Variants in NCMAP observed in about 807,000 individuals in gnomAD.
NCMAP encodes noncompact myelin-associated protein.
In NCMAP, 8 loss-of-function variants were observed where a neutral mutation model predicts 7.8. That is an observed-to-expected ratio of 1.02 (90% confidence interval 0.60 to 1.84). NCMAP has a LOEUF of 1.84. Ranked by LOEUF, NCMAP falls within the 40% of genes most tolerant of loss-of-function variation. The pLI, the probability that NCMAP is intolerant of heterozygous loss-of-function variation, is 0.00. For synonymous variants in NCMAP, 41 were observed against 52.9 expected (o/e 0.78, Z 0.98); for missense variants, 112 against 131.4 (o/e 0.85, Z 0.72).
intron 1 of NCMAP, among the ~76,000 whole-genome samples, chr1:24,590,787 T>C (rs965292140): frequency 4.6e-5 from 7 of 152,308 alleles, no homozygotes; most frequent in African/African-American, 1.7e-4. Flanking sequence ...TTTGTGCTTA[T>C]TTTTATAGAA....
chr1:24,594,712 A>G (rs1652159971), intron 1 of NCMAP, among the ~76,000 whole-genome samples: 1 of 151,882 alleles, frequency 6.6e-6, no homozygotes, highest in South Asian at 2.1e-4. Flanking sequence ...GGCTCATGTC[A>G]CTGACTGCTT....
At chr1:24,595,650 G>A in intron 2 of NCMAP, 138 bp downstream of exon 2, 1 of 618,502 alleles carries the variant, frequency 1.6e-6, no homozygotes, top group Non-Finnish European at 2.9e-6. Context: ...GCCAACTGCA[G>A]CATTAATGAC....
intron 2 of NCMAP, among the ~76,000 whole-genome samples, chr1:24,597,557 G>A (rs1335933384): frequency 9.5e-6 from 1 of 105,042 alleles, no homozygotes; most frequent in African/African-American, 3.9e-5. Context: ...GGAGGAGAAG[G>A]GGGGGAGGTT....
intron 1 of NCMAP, among the ~76,000 whole-genome samples, chr1:24,594,466 G>A (rs992563377): frequency 3.3e-5 from 5 of 152,190 alleles, no homozygotes; most frequent in Non-Finnish European, 7.3e-5. Flanking sequence ...GTAGGAGGGT[G>A]TAGATGACAG....
intron 1 of NCMAP, among the ~76,000 whole-genome samples, chr1:24,565,851 T>C (rs574399500): frequency 6.6e-6 from 1 of 152,256 alleles, no homozygotes; most frequent in East Asian, 1.9e-4. Flanking sequence ...AATTTCATCT[T>C]GAATCATAGT....
At chr1:24,597,519 AG>A (rs796235815) in intron 2 of NCMAP, among the ~76,000 whole-genome samples, 1,009 of 21,308 alleles carry the variant, frequency 0.047, 62 homozygotes, top group African/African-American at 0.16. Context: ...AAGAGAAGGA[AG>A]GGGGGGGGGG....
At chr1:24,561,362 A>G (rs1020336792) in intron 1 of NCMAP, among the ~76,000 whole-genome samples, 1 of 152,112 alleles carries the variant, frequency 6.6e-6, no homozygotes, top group Non-Finnish European at 1.5e-5. Context: ...AAAGAAAAAG[A>G]AATACTTACA....
chr1:24,592,138 C>A (rs565862112), intron 1 of NCMAP, among the ~76,000 whole-genome samples: 6 of 152,314 alleles, frequency 3.9e-5, no homozygotes, highest in African/African-American at 1.4e-4. Flanking sequence ...AGGGAGTGCC[C>A]TGCTGTCACA....
At chr1:24,581,823 A>G (rs1651756442) in intron 1 of NCMAP, among the ~76,000 whole-genome samples, 1 of 152,200 alleles carries the variant, frequency 6.6e-6, no homozygotes, top group Non-Finnish European at 1.5e-5. Flanking sequence ...GCAGGGAGGA[A>G]CTCTGGAAAG....
At chr1:24,595,794 C>CTTTTTTTTT (rs34640170) in intron 2 of NCMAP, among the ~76,000 whole-genome samples, 1 of 119,496 alleles carries the variant, frequency 8.4e-6, no homozygotes. Context: ...TGGACTGTGT[C>CTTTTTTTTT]TTTTTTTTTT....
rs1392330664 is a variant in NCMAP at position 24,608,246 on chromosome 1, AGTCT to A, written c.*2504_*2507del. 1 of 152,246 alleles carries A rather than the reference AGTCT, an allele frequency of 6.6e-6. No individual in the cohort carries two copies. Among genetic ancestry groups the A allele is most frequent in the Non-Finnish European group, 1.5e-5 (1 of 68,056 alleles). 9.4% of individuals were successfully genotyped at this position (152,246 alleles called of 1,614,324 possible). ...TCAAAACCAGGTCTCTTGACTCCAAAGTCTGTCTTTTTTGTGAAGTCACACTCCT... is the reference window on the plus strand; with the variant it reads ...TCAAAACCAGGTCTCTTGACTCCAAAGTCTTTTTTGTGAAGTCACACTCCT... On this transcript the variant is annotated 3_prime_UTR_variant, in exon 4 of 4. Transcript: ENST00000374392.
rs555105639 is a variant in NCMAP at position 24,606,124 on chromosome 1, C to T, written c.*377C>T. 1.6e-5 allele frequency: 3 copies of T among 190,368 alleles called. No homozygotes were observed. The highest frequency in any genetic ancestry group is 1.4e-4 in the South Asian group (1 of 7,100). The allele number at this position is 190,368 out of a possible 1,614,324, so 11.8% of individuals were successfully genotyped here. On this transcript the variant is annotated 3_prime_UTR_variant, in exon 4 of 4. Transcript: ENST00000374392. Reference sequence around the variant, plus strand: ...GAGAGTATCACAATAGGATCTGTCACGGGGTTCATATCAGATGAAGCGCCG... The same window carrying T: ...GAGAGTATCACAATAGGATCTGTCATGGGGTTCATATCAGATGAAGCGCCG...
intron 3 of NCMAP, 48 bp from the exon 4 acceptor site, chr1:24,605,558 G>C (rs375899123): frequency 1.2e-6 from 2 of 1,600,068 alleles, no homozygotes; most frequent in South Asian, 2.2e-5. Flanking sequence ...CATTCCCCGC[G>C]GCATACCAGG....
chr1:24,596,262 G>A (rs1032486451), intron 2 of NCMAP, among the ~76,000 whole-genome samples: 6 of 152,086 alleles, frequency 3.9e-5, no homozygotes, highest in African/African-American at 1.4e-4. Context: ...AACAAAGTGA[G>A]CCTCCAAAAC....
chr1:24,581,454 T>G (rs1221064666), intron 1 of NCMAP, among the ~76,000 whole-genome samples: 1 of 152,212 alleles, frequency 6.6e-6, no homozygotes, highest in Admixed American at 6.5e-5. Flanking sequence ...TCCCAAACTT[T>G]GTTTATGTCA....
At chr1:24,589,340 G>T (rs1320122979) in intron 1 of NCMAP, 1 of 152,152 alleles carries the variant, frequency 6.6e-6, no homozygotes, top group Non-Finnish European at 1.5e-5. Flanking sequence ...AACAACTGTT[G>T]CTGGGGCCCC....
intron 1 of NCMAP, among the ~76,000 whole-genome samples, chr1:24,557,953 T>C (rs1650953817): frequency 6.6e-6 from 1 of 152,186 alleles, no homozygotes; most frequent in Non-Finnish European, 1.5e-5. Context: ...CTGGGCTCCG[T>C]AGCACCATGT....
chr1:24,560,189 G>A (rs965475637), intron 1 of NCMAP, among the ~76,000 whole-genome samples: 1 of 143,104 alleles, frequency 7.0e-6, no homozygotes, highest in Non-Finnish European at 1.5e-5. Context: ...AAAAAAATTT[G>A]TTTCCCTTTG....
intron 1 of NCMAP, among the ~76,000 whole-genome samples, chr1:24,558,657 A>T (rs1477067526): frequency 6.6e-6 from 1 of 152,090 alleles, no homozygotes; most frequent in Admixed American, 6.6e-5. Context: ...TGCTCCTGGG[A>T]CACAGGGTCA....
Sources: gnomAD v4.1 joint callset for allele counts (sites outside exome capture counted in the v4.1 genomes callset) on GRCh38, gnomAD v4.1.1 for gene constraint, MANE v1.5 for transcripts, NCBI Gene and HGNC (gene_info 2026-07-23, HGNC 2026-07-21) for gene names.